COTL1: variants seen among roughly 807,000 people sequenced by gnomAD.
COTL1 encodes the protein coactosin-like protein.
COTL1 carries 15 observed loss-of-function variants against 16.5 expected under a neutral mutation model. The observed-to-expected ratio is 0.91, with a 90% CI of 0.61 to 1.40. The LOEUF is 1.40. COTL1 is among the 40% of genes most tolerant of loss of function. COTL1 has a pLI of 0.00. For synonymous variants in COTL1, 112 were observed against 85.3 expected, an observed-to-expected ratio of 1.31 and a Z score of -1.73; for missense variants, 220 against 201.5, an observed-to-expected ratio of 1.09 and a Z score of -0.56.
intron 3 of COTL1, among the ~76,000 whole-genome samples, chr16:84,579,375 C>A (rs775909922): frequency 2.6e-5 from 4 of 152,210 alleles, no homozygotes; most frequent in Non-Finnish European, 5.9e-5. Flanking sequence ...GTAGTCCCAG[C>A]TTCTTGGGAG....
At chr16:84,577,885 G>A (rs1185618620) in intron 3 of COTL1, among the ~76,000 whole-genome samples, 1 of 152,112 alleles carries the variant, frequency 6.6e-6, no homozygotes, top group African/African-American at 2.4e-5. Context: ...CCCCGACAGG[G>A]CCCCTGACCT....
At chr16:84,600,748 T>TGCATGG (rs1407258302) in intron 2 of COTL1, among the ~76,000 whole-genome samples, 1 of 152,184 alleles carries the variant, frequency 6.6e-6, no homozygotes, top group African/African-American at 2.4e-5. Context: ...CCCGATTCAT[T>TGCATGG]GCATTTTCAC....
At chr16:84,606,088 T>C (rs1466182114) in intron 2 of COTL1, among the ~76,000 whole-genome samples, 1 of 152,224 alleles carries the variant, frequency 6.6e-6, no homozygotes. Context: ...AATGCACTCA[T>C]GAAATAAAAT....
rs12929880 is a variant in COTL1, at chr16:84,566,989, T to C, written c.319-34A>G. On this transcript the variant is annotated intron_variant, in intron 3 of 3. Transcript: ENST00000262428. Reference sequence around the variant, plus strand: ...ACAAAGGAAAACACAGCGTTCCTATTAAGAAGGAAGGCACAGGATGTGAGG... The same window carrying C: ...ACAAAGGAAAACACAGCGTTCCTATCAAGAAGGAAGGCACAGGATGTGAGG... 0.33 allele frequency: 495,517 copies of C among 1,499,056 alleles called. 86,581 individuals are homozygous for C. Among genetic ancestry groups the C allele is most frequent in the Middle Eastern group, 0.44 (2,575 of 5,842 alleles). The allele number at this position is 1,499,056 out of a possible 1,614,324, so 92.9% of individuals were successfully genotyped here. A position where few individuals can be genotyped will look rare whatever the true frequency, so the allele number is the denominator to read the frequency against.
Position 84,608,517 on chromosome 16 carries a change from G to A in COTL1, c.160+8984C>T, listed in dbSNP as rs534041137. On this transcript the variant is annotated intron_variant, in intron 2 of 3. Coordinates refer to ENST00000262428, the MANE Select transcript of COTL1 (RefSeq NM_021149.5). The stretch of plus-strand genomic sequence containing the variant: ...ATGCAGCGTGGCTCAGGGCCTCCCA[G>A]CAACAGATCTGTGGGCAAAGAAGGC... Among the ~76,000 whole-genome samples, 3 of 152,362 alleles carry A rather than the reference G, an allele frequency of 2.0e-5. No individual in the cohort carries two copies. The South Asian group carries it at 6.2e-4, about 32-fold the overall frequency.
intron 2 of COTL1, among the ~76,000 whole-genome samples, chr16:84,600,226 T>C (rs1412513045): frequency 6.6e-6 from 1 of 152,144 alleles, no homozygotes; most frequent in African/African-American, 2.4e-5. Flanking sequence ...TGCAAAAGTA[T>C]TAAAAAGTGT....
chr16:84,616,897 C>T lies in COTL1; in HGVS notation c.160+604G>A, dbSNP rs1448988999. Reference sequence around the variant, plus strand: ...TCCCAGCAGTCCGGGTGGTGTGCCCCTCCCCATCAGTGGCTATCTAGCCCC... The same window carrying T: ...TCCCAGCAGTCCGGGTGGTGTGCCCTTCCCCATCAGTGGCTATCTAGCCCC... On this transcript the variant is annotated intron_variant, in intron 2 of 3. Coordinates refer to ENST00000262428, the MANE Select transcript of COTL1 (RefSeq NM_021149.5). 2.6e-5 allele frequency among the ~76,000 whole-genome samples: 4 copies of T among 152,336 alleles called. No individual in the cohort carries two copies. The East Asian group carries it at 7.7e-4, about 29-fold the overall frequency.
chr16:84,592,349 G>T (rs1904890849), intron 2 of COTL1, among the ~76,000 whole-genome samples: 3 of 152,120 alleles, frequency 2.0e-5, no homozygotes, highest in African/African-American at 4.8e-5. Context: ...CCACTGGTTT[G>T]GAGTCATTCA....
At chr16:84,599,451 GA>G (rs1359839984) in intron 2 of COTL1, among the ~76,000 whole-genome samples, 1 of 152,138 alleles carries the variant, frequency 6.6e-6, no homozygotes, top group Non-Finnish European at 1.5e-5. Context: ...CACCACCCTA[GA>G]AACTTTTTAG....
chr16:84,600,035 G>C (rs1430442194), intron 2 of COTL1, among the ~76,000 whole-genome samples: 2 of 152,180 alleles, frequency 1.3e-5, no homozygotes, highest in South Asian at 4.1e-4. Flanking sequence ...GAGGGGGCCT[G>C]AGGCTGGGGC....
chr16:84,607,854 G>A (rs749814189), intron 2 of COTL1, among the ~76,000 whole-genome samples: 16 of 152,100 alleles, frequency 1.1e-4, no homozygotes, highest in Non-Finnish European at 1.9e-4. Flanking sequence ...GAAATGTCCC[G>A]GAGAAGACAA....
At chr16:84,574,644 A>G (rs2914822) in intron 3 of COTL1, among the ~76,000 whole-genome samples, 113,962 of 152,050 alleles carry the variant, frequency 0.75, 42,788 homozygotes, top group South Asian at 0.9. Context: ...GGAGTGCAAT[A>G]GTGCGATCGG....
chr16:84,598,656 A>ACCC (rs1350223450), intron 2 of COTL1, among the ~76,000 whole-genome samples: 1 of 47,046 alleles, frequency 2.1e-5, no homozygotes, highest in African/African-American at 6.4e-5. Flanking sequence ...TCTCCCCCCC[A>ACCC]ACCCCCCCCA....
chr16:84,570,169 A>G (rs1460416591), intron 3 of COTL1, among the ~76,000 whole-genome samples: 2 of 152,310 alleles, frequency 1.3e-5, no homozygotes, highest in Non-Finnish European at 1.5e-5. Context: ...CCAGCTACTC[A>G]GGAGGCTAAG....
At chr16:84,615,774 A>C (rs1194970822) in intron 2 of COTL1, among the ~76,000 whole-genome samples, 1 of 152,148 alleles carries the variant, frequency 6.6e-6, no homozygotes, top group Admixed American at 6.5e-5. Context: ...GCAGTGCTTT[A>C]TGCTGCGATT....
At chr16:84,589,034 G>C (rs1218351394) in intron 3 of COTL1, among the ~76,000 whole-genome samples, 1 of 151,974 alleles carries the variant, frequency 6.6e-6, no homozygotes, top group Non-Finnish European at 1.5e-5. Context: ...GCAGTGGTGC[G>C]ATCATGGCTC....
chr16:84,565,729 C>A lies in COTL1; in HGVS notation c.*1116G>T, dbSNP rs1314080162. 6.6e-6 allele frequency: 1 copy of A among 152,604 alleles called. No homozygotes were observed. The highest frequency in any genetic ancestry group is 2.4e-5 in the African/African-American group (1 of 41,460). The allele number at this position is 152,604 out of a possible 1,614,324, so 9.5% of individuals were successfully genotyped here. On this transcript the variant is annotated 3_prime_UTR_variant, in exon 4 of 4. Transcript: ENST00000262428. ...AGGAAAAACAGAAAAAGAGCTATATCAAATGTGCTCATGAAGAACCAAGCC... is the reference window on the plus strand; with the variant it reads ...AGGAAAAACAGAAAAAGAGCTATATAAAATGTGCTCATGAAGAACCAAGCC...
intron 2 of COTL1, among the ~76,000 whole-genome samples, chr16:84,591,471 A>G (rs1295439618): frequency 4.1e-5 from 6 of 145,804 alleles, no homozygotes; most frequent in Non-Finnish European, 6.0e-5. Flanking sequence ...GGCGTGAGCC[A>G]CCGCGCCCAG....
chr16:84,594,778 A>T (rs1222312774), intron 2 of COTL1: 2 of 151,884 alleles, frequency 1.3e-5, no homozygotes, highest in African/African-American at 2.4e-5. Context: ...GGGGACCTCA[A>T]CCATGTGTTC....
Sources: allele counts gnomAD v4.1 joint callset (sites outside exome capture counted in the v4.1 genomes callset), GRCh38; gene constraint gnomAD v4.1.1; transcripts MANE v1.5; gene names NCBI Gene and HGNC (gene_info 2026-07-23, HGNC 2026-07-21).